The following ACKR3 variants were observed in gnomAD, a reference collection of about 807,000 sequenced individuals.
ACKR3 encodes C-X-C chemokine receptor type 7.
A neutral mutation model predicts 22.4 loss-of-function variants in ACKR3; 6 were observed. The ratio of observed to expected loss-of-function variants is 0.27; its 90% confidence interval spans 0.15 to 0.53. The LOEUF (loss-of-function observed/expected upper bound fraction) is 0.53. ACKR3 is among the 20% of genes least tolerant of loss of function. The pLI is 0.96. For synonymous variants in ACKR3, 209 were observed against 205.2 expected (o/e 1.02, Z -0.16); for missense variants, 396 against 475.2 (o/e 0.83, Z 1.55).
chr2:236,544,423 C>T, the ACKR3 span, among the ~76,000 whole-genome samples: 48 of 152,274 alleles, frequency 3.2e-4, no homozygotes, highest in Middle Eastern at 3.4e-3. The surrounding 1 kb of genome is among the most constrained non-coding windows in gnomAD (Gnocchi z 5.0). Flanking sequence ...GCATCATATG[C>T]ATCGTATGAT....
At chr2:236,542,795 A>G in the ACKR3 span, among the ~76,000 whole-genome samples, 1 of 144,472 alleles carries the variant, frequency 6.9e-6, no homozygotes, top group Non-Finnish European at 1.5e-5. Context: ...ATCCGACAGC[A>G]TGTGGACTAT....
At chr2:236,545,993 G>A in the ACKR3 span, among the ~76,000 whole-genome samples, 3 of 152,072 alleles carry the variant, frequency 2.0e-5, no homozygotes, top group South Asian at 6.2e-4. This position sits in a 1 kb window ranked among gnomAD's most constrained non-coding sequence, Gnocchi z 5.3. Context: ...ACAAAGGAGG[G>A]GCCACGTTTC....
chr2:236,545,865 G>T, the ACKR3 span, among the ~76,000 whole-genome samples: 1 of 152,172 alleles, frequency 6.6e-6, no homozygotes, highest in Non-Finnish European at 1.5e-5. This position sits in a 1 kb window ranked among gnomAD's most constrained non-coding sequence, Gnocchi z 5.3. Context: ...GTGTATCATT[G>T]TTGAATTTCA....
chr2:236,557,739 G>C, the ACKR3 span, among the ~76,000 whole-genome samples: 2 of 152,206 alleles, frequency 1.3e-5, no homozygotes, highest in African/African-American at 2.4e-5. Flanking sequence ...AGAAAAGGGA[G>C]TGGAACAGCC....
chr2:236,581,647 G>A lies in ACKR3; in HGVS notation c.*93G>A, dbSNP rs1479972733. On this transcript the variant is annotated 3_prime_UTR_variant, in exon 2 of 2. Transcript: ENST00000272928. The surrounding 1 kb of genome is among the most constrained non-coding windows in gnomAD (Gnocchi z 4.4). Reference sequence around the variant, plus strand: ...CTAGAGCAAAGCAAAGTAGCTTCGGGTCTTGATGCTTGAGTAGAGTGAAGA... The same window carrying A: ...CTAGAGCAAAGCAAAGTAGCTTCGGATCTTGATGCTTGAGTAGAGTGAAGA... The A allele has an allele frequency of 2.7e-6, 4 of 1,482,602 alleles. No homozygotes were observed. The highest frequency in any genetic ancestry group is 3.6e-6 in the Non-Finnish European group (4 of 1,104,248). 91.8% of individuals were successfully genotyped at this position (1,482,602 alleles called of 1,614,324 possible).
chr2:236,538,553 G>T, the ACKR3 span, among the ~76,000 whole-genome samples: 1 of 152,136 alleles, frequency 6.6e-6, no homozygotes, highest in East Asian at 1.9e-4. Context: ...CATGGAAAGG[G>T]GCTGCAGTTC....
At chr2:236,543,920 A>AT in the ACKR3 span, among the ~76,000 whole-genome samples, 9 of 123,266 alleles carry the variant, frequency 7.3e-5, no homozygotes, top group African/African-American at 2.4e-4. Context: ...GATATGTGCA[A>AT]TTTTTTCTCC....
At chr2:236,558,493 ACCT>A in the ACKR3 span, among the ~76,000 whole-genome samples, 1 of 151,892 alleles carries the variant, frequency 6.6e-6, no homozygotes, top group African/African-American at 2.4e-5. Context: ...AATCCTGCTG[ACCT>A]CCTACCTCTG....
At chr2:236,557,253 C>CGTGT in the ACKR3 span, among the ~76,000 whole-genome samples, 703 of 139,984 alleles carry the variant, frequency 5.0e-3, 14 homozygotes, top group African/African-American at 0.019. Context: ...TTCATGTGAA[C>CGTGT]GTATGTGTGT....
the ACKR3 span, among the ~76,000 whole-genome samples, chr2:236,556,839 C>A: frequency 6.6e-6 from 1 of 152,190 alleles, no homozygotes; most frequent in Admixed American, 6.5e-5. Flanking sequence ...CAGTGCCCAC[C>A]ACCATCCCTG....
chr2:236,564,870 A>C (rs1211200218), upstream of ACKR3, among the ~76,000 whole-genome samples: 1 of 152,184 alleles, frequency 6.6e-6, no homozygotes, highest in African/African-American at 2.4e-5. Context: ...TCTGGGCCTC[A>C]GTTTCCTCAA....
chr2:236,579,720 C>T (rs1039870006), intron 1 of ACKR3, among the ~76,000 whole-genome samples: 1 of 152,188 alleles, frequency 6.6e-6, no homozygotes, highest in African/African-American at 2.4e-5. Flanking sequence ...AAGCTTGAGA[C>T]AGCTGGTTGG....
chr2:236,580,162 G>A (rs1479730438), intron 1 of ACKR3, among the ~76,000 whole-genome samples: 3 of 152,216 alleles, frequency 2.0e-5, no homozygotes, highest in Admixed American at 6.5e-5. Flanking sequence ...CCATGCTGGC[G>A]GTGTCTTGAG....
chr2:236,574,639 A>G lies in ACKR3; in HGVS notation c.-27+4715A>G, dbSNP rs931270820. On this transcript the variant is annotated intron_variant, in intron 1 of 1. Coordinates refer to ENST00000272928, the MANE Select transcript of ACKR3 (RefSeq NM_020311.3). This position sits in a 1 kb window ranked among gnomAD's most constrained non-coding sequence, Gnocchi z 5.6. Reference sequence around the variant, plus strand: ...CAGCGTGAGGACATGCTGATTGCATACTCAGCCACCACCCATGAAGGCTCT... The same window carrying G: ...CAGCGTGAGGACATGCTGATTGCATGCTCAGCCACCACCCATGAAGGCTCT... Among the ~76,000 whole-genome samples the G allele has an allele frequency of 6.6e-6, 1 of 152,030 alleles. No individual in the cohort carries two copies. Among genetic ancestry groups the G allele is most frequent in the Non-Finnish European group, 1.5e-5 (1 of 67,994 alleles).
At chr2:236,570,840 C>T (rs1691292955) in intron 1 of ACKR3, among the ~76,000 whole-genome samples, 1 of 136,736 alleles carries the variant, frequency 7.3e-6, no homozygotes, top group Non-Finnish European at 1.5e-5. Context: ...CTCTTTCTCT[C>T]TTCCTCTTTC....
chr2:236,581,206 G>A lies in ACKR3; in HGVS notation c.741G>A (p.Lys247=). The change falls in exon 2 of 2, where the codon AAG becomes AAA. Residue 247 remains lysine (K), a synonymous_variant. Coordinates refer to ENST00000272928, the MANE Select transcript of ACKR3 (RefSeq NM_020311.3). The surrounding 1 kb of genome is among the most constrained non-coding windows in gnomAD (Gnocchi z 4.4). ...TCTCGGCGTCCAGTGACCAGGAGAA[G>A]CACAGCAGCCGGAAGATCATCTTCT... ...RAISASSDQE[K]HSSRKIIFSY... 1 of 1,613,828 alleles carries A rather than the reference G, an allele frequency of 6.2e-7. No individual in the cohort carries two copies. Among genetic ancestry groups the A allele is most frequent in the Non-Finnish European group, 8.5e-7 (1 of 1,179,708 alleles).
At chr2:236,575,922 G>A (rs544784296) in intron 1 of ACKR3, among the ~76,000 whole-genome samples, 18 of 152,312 alleles carry the variant, frequency 1.2e-4, no homozygotes, top group African/African-American at 4.1e-4. Context: ...AATATTTTGA[G>A]GAGAGAAACG....
upstream of ACKR3, among the ~76,000 whole-genome samples, chr2:236,562,886 G>C (rs1329717613): frequency 6.6e-6 from 1 of 152,132 alleles, no homozygotes; most frequent in East Asian, 1.9e-4. Flanking sequence ...GGAAAGAAAG[G>C]CTGGTCTGTC....
At chr2:236,578,945 C>G (rs10179774) in intron 1 of ACKR3, among the ~76,000 whole-genome samples, 5 of 152,260 alleles carry the variant, frequency 3.3e-5, no homozygotes, top group Admixed American at 6.5e-5. Context: ...AAGGGGGTGA[C>G]GTTTTATTGA....
Sources: allele counts gnomAD v4.1 joint callset (sites outside exome capture counted in the v4.1 genomes callset), GRCh38; gene constraint gnomAD v4.1.1; non-coding constraint Gnocchi (gnomAD v3.1); transcripts MANE v1.5; gene names NCBI Gene and HGNC (gene_info 2026-07-23, HGNC 2026-07-21).